SGK3: variants seen among roughly 807,000 people sequenced by gnomAD.
SGK3 encodes serine/threonine-protein kinase Sgk3.
Under a neutral mutation model 68.5 loss-of-function variants are expected in SGK3, and 47 were observed. The observed-to-expected ratio is 0.69, with a 90% CI of 0.54 to 0.87. The LOEUF is 0.87. SGK3 is among the 40% of genes least tolerant of loss of function. The pLI, the probability that SGK3 is intolerant of heterozygous loss-of-function variation, is 0.00. For missense variants in SGK3, 479 were observed against 575.5 expected, an observed-to-expected ratio of 0.83 and a Z score of 1.72; for synonymous variants, 181 against 189.1, an observed-to-expected ratio of 0.96 and a Z score of 0.35.
chr8:66,748,287 C>G (rs939242369), intron 1 of SGK3, among the ~76,000 whole-genome samples: 5 of 152,222 alleles, frequency 3.3e-5, no homozygotes, highest in East Asian at 1.9e-4. Flanking sequence ...AATACTGCCA[C>G]TAAAGTAGTA....
At chr8:66,722,441 C>T (rs1053545574) in intron 1 of SGK3, among the ~76,000 whole-genome samples, 3 of 152,146 alleles carry the variant, frequency 2.0e-5, no homozygotes, top group Admixed American at 6.5e-5. Context: ...TGCCACCACG[C>T]CTGGCTAATT....
intron 1 of SGK3, among the ~76,000 whole-genome samples, chr8:66,770,490 G>GT (rs1454586636): frequency 2.0e-5 from 3 of 151,872 alleles, no homozygotes; most frequent in African/African-American, 4.8e-5. Context: ...GTTTTTTTCT[G>GT]TTTTTTGTTT....
Position 66,804,231 on chromosome 8 carries a change from A to C in SGK3, c.181-144A>C, listed in dbSNP as rs1808064150. On this transcript the variant is annotated intron_variant, in intron 3 of 16. Transcript: ENST00000521198. ...TTGTGACATTTTATTGGTATAATTTATGTTATACTTTGGATGATCATAAAT... is the reference window on the plus strand; with the variant it reads ...TTGTGACATTTTATTGGTATAATTTCTGTTATACTTTGGATGATCATAAAT... The C allele has an allele frequency of 4.5e-6, 3 of 661,402 alleles. No individual in the cohort carries two copies. In the South Asian group the frequency reaches 6.6e-5, roughly 15 times the overall value. The allele number at this position is 661,402 out of a possible 1,614,324, so 41.0% of individuals were successfully genotyped here. A position where few individuals can be genotyped will look rare whatever the true frequency, so the allele number is the denominator to read the frequency against.
chr8:66,795,398 A>G (rs1807638965), intron 2 of SGK3, among the ~76,000 whole-genome samples: 1 of 152,230 alleles, frequency 6.6e-6, no homozygotes, highest in Non-Finnish European at 1.5e-5. Flanking sequence ...ACATTTGTAT[A>G]AGCAAATTTT....
intron 1 of SGK3, among the ~76,000 whole-genome samples, chr8:66,723,799 T>TTA (rs1804894358): frequency 6.6e-6 from 1 of 152,202 alleles, no homozygotes; most frequent in Non-Finnish European, 1.5e-5. Context: ...TGTCTGTAGT[T>TTA]GTACACAGTT....
At chr8:66,786,260 A>T (rs1178215043) in intron 1 of SGK3, among the ~76,000 whole-genome samples, 2 of 152,194 alleles carry the variant, frequency 1.3e-5, no homozygotes. Context: ...AAGCATGTAC[A>T]TGTGGTGGAG....
intron 1 of SGK3, among the ~76,000 whole-genome samples, chr8:66,738,125 C>G (rs998151465): frequency 6.6e-6 from 1 of 152,150 alleles, no homozygotes; most frequent in African/African-American, 2.4e-5. Context: ...ATGGTCTCAT[C>G]ATCCACCCAG....
chr8:66,781,939 T>C (rs758467303), intron 1 of SGK3, among the ~76,000 whole-genome samples: 1 of 152,152 alleles, frequency 6.6e-6, no homozygotes, highest in Non-Finnish European at 1.5e-5. Context: ...CATCATGTGA[T>C]GTGTGAGGGG....
chr8:66,738,186 C>T (rs561905660), intron 1 of SGK3, among the ~76,000 whole-genome samples: 5 of 152,210 alleles, frequency 3.3e-5, no homozygotes, highest in African/African-American at 1.2e-4. Context: ...GCCTGTATTT[C>T]ATCATTTACA....
rs146233824 is a variant in SGK3 at position 66,854,635 on chromosome 8, TG to T, written c.1320+3718del. 7.5e-3 allele frequency among the ~76,000 whole-genome samples: 1,147 copies of T among 152,202 alleles called. 11 individuals are homozygous for T. The highest frequency in any genetic ancestry group is 0.027 in the African/African-American group (1,105 of 41,500). On this transcript the variant is annotated intron_variant, in intron 16 of 16. Coordinates refer to ENST00000521198, the MANE Select transcript of SGK3 (RefSeq NM_001033578.3). ...TAAAATTAGTTAAGTGTTAAGGGAT[TG>T]GGTGTGGTAGGAAGGGATTACTATG...
At chr8:66,774,827 T>A (rs1338675701) in intron 1 of SGK3, among the ~76,000 whole-genome samples, 1 of 152,052 alleles carries the variant, frequency 6.6e-6, no homozygotes, top group Non-Finnish European at 1.5e-5. Flanking sequence ...CCTGAATTCG[T>A]GTGTGACTCC....
chr8:66,735,056 G>A (rs1235873729), intron 1 of SGK3, among the ~76,000 whole-genome samples: 1 of 151,882 alleles, frequency 6.6e-6, no homozygotes. Context: ...TTTATTATCA[G>A]TTATTGTTAA....
At chr8:66,767,818 GC>G in intron 1 of SGK3, 1 of 1,530,628 alleles carries the variant, frequency 6.5e-7, no homozygotes, top group South Asian at 1.1e-5. Flanking sequence ...AGTTCCCAAA[GC>G]CTTTCTGGTA....
chr8:66,778,370 C>G (rs1445646322), intron 1 of SGK3, among the ~76,000 whole-genome samples: 29 of 152,202 alleles, frequency 1.9e-4, no homozygotes, highest in Admixed American at 1.9e-3. Flanking sequence ...GATCTCGGCA[C>G]TTGGCAAGCT....
chr8:66,745,593 AC>A (rs758764213), intron 1 of SGK3, among the ~76,000 whole-genome samples: 31 of 145,124 alleles, frequency 2.1e-4, no homozygotes, highest in South Asian at 6.3e-4. Flanking sequence ...ACAAAACAAA[AC>A]AAAAAAACAA....
At chr8:66,783,723 C>T (rs373394674) in intron 1 of SGK3, among the ~76,000 whole-genome samples, 13 of 152,126 alleles carry the variant, frequency 8.5e-5, no homozygotes, top group African/African-American at 2.2e-4. Flanking sequence ...GATGAGGTCT[C>T]GCATATTGCC....
intron 1 of SGK3, among the ~76,000 whole-genome samples, chr8:66,792,125 T>C (rs1315938704): frequency 6.6e-6 from 1 of 151,652 alleles, no homozygotes; most frequent in African/African-American, 2.4e-5. Context: ...AGGTCAGGAG[T>C]TTGAGACCAG....
chr8:66,748,537 T>C (rs1805714493), intron 1 of SGK3, among the ~76,000 whole-genome samples: 1 of 152,318 alleles, frequency 6.6e-6, no homozygotes, highest in African/African-American at 2.4e-5. Context: ...CTGTGGGCCA[T>C]GTGTCATCCC....
chr8:66,827,981 G>A (rs1050197405), intron 6 of SGK3, among the ~76,000 whole-genome samples: 2 of 151,994 alleles, frequency 1.3e-5, no homozygotes, highest in African/African-American at 2.4e-5. Context: ...AAAATTAGCC[G>A]GGTGTGGTGG....
Sources: allele counts gnomAD v4.1 joint callset (sites outside exome capture counted in the v4.1 genomes callset), GRCh38; gene constraint gnomAD v4.1.1; transcripts MANE v1.5; gene names NCBI Gene and HGNC (gene_info 2026-07-23, HGNC 2026-07-21).